Variants in PCDHA6 observed in about 807,000 individuals in gnomAD.
The protein encoded by PCDHA6 is protocadherin alpha-6.
Under a neutral mutation model 60.3 loss-of-function variants are expected in PCDHA6, and 55 were observed. The observed-to-expected ratio is 0.91, with a 90% CI of 0.73 to 1.14. The LOEUF is 1.14. Ranked by LOEUF, PCDHA6 falls within the 50% of genes most tolerant of loss-of-function variation. The pLI, the probability that PCDHA6 is intolerant of heterozygous loss-of-function variation, is 0.00. For synonymous variants in PCDHA6, 652 were observed against 557.9 expected (o/e 1.17, Z -2.38); for missense variants, 1,327 against 1,256.5 (o/e 1.06, Z -0.85).
At chr5:140,843,626 C>G (rs1779006743) in intron 1 of PCDHA6, 2 of 1,596,058 alleles carry the variant, frequency 1.3e-6, no homozygotes, top group East Asian at 4.5e-5. Context: ...GAAGACGGAC[C>G]TCATGGCCTT....
At position 140,870,607 on chromosome 5, in the gene PCDHA6, G is replaced by T. The variant is rs782060261; in HGVS notation, c.2394+40122G>T. 15 of 1,613,098 alleles carry T rather than the reference G, an allele frequency of 9.3e-6. No individual in the cohort carries two copies. The Middle Eastern group carries it at 5.1e-4, about 55-fold the overall frequency. ...GGTGGAGCGGCGGTTGGGCGACCGCGCGCTGTCGAGCTACGTGTCGGTGCA... is the reference window on the plus strand; with the variant it reads ...GGTGGAGCGGCGGTTGGGCGACCGCTCGCTGTCGAGCTACGTGTCGGTGCA... On this transcript the variant is annotated intron_variant, in intron 1 of 3. Transcript: ENST00000529310.
chr5:140,916,492 C>T (rs1310558218), intron 1 of PCDHA6, among the ~76,000 whole-genome samples: 2 of 152,170 alleles, frequency 1.3e-5, no homozygotes, highest in Admixed American at 6.5e-5. Context: ...GCTCTTTAGT[C>T]AGCAGGTGAT....
At chr5:140,948,665 A>T (rs2094288381) in intron 1 of PCDHA6, among the ~76,000 whole-genome samples, 1 of 151,668 alleles carries the variant, frequency 6.6e-6, no homozygotes. Flanking sequence ...ATCTGTAGTG[A>T]TAACATCTTT....
At chr5:140,927,651 C>A in intron 1 of PCDHA6, 2 of 1,614,216 alleles carry the variant, frequency 1.2e-6, no homozygotes, top group Non-Finnish European at 1.7e-6. Context: ...CTGTGTTATT[C>A]CGAGTTCAAG....
At chr5:140,909,045 G>A (rs1407145935) in intron 1 of PCDHA6, among the ~76,000 whole-genome samples, 1 of 152,112 alleles carries the variant, frequency 6.6e-6, no homozygotes, top group African/African-American at 2.4e-5. Flanking sequence ...TCCATACTCT[G>A]GCATGCAAAT....
At chr5:140,968,946 GCAT>G in intron 1 of PCDHA6, 4 of 1,614,172 alleles carry the variant, frequency 2.5e-6, no homozygotes, top group Non-Finnish European at 3.4e-6. Flanking sequence ...ATCATTTTGA[GCAT>G]CATCAAGTGC....
At chr5:140,866,404 A>C (rs781790462) in intron 1 of PCDHA6, 1 of 152,130 alleles carries the variant, frequency 6.6e-6, no homozygotes, top group Non-Finnish European at 1.5e-5. Context: ...TTCCCATGAA[A>C]ATCTTCAAAT....
In PCDHA6 at chr5:140,973,293, A is replaced by G. The variant is rs150966135; in HGVS notation, c.2395-5656A>G. Among the ~76,000 whole-genome samples, 103 of 152,230 alleles carry G rather than the reference A, an allele frequency of 6.8e-4. No homozygotes were observed. The East Asian group carries it at 0.019, about 27-fold the overall frequency. On this transcript the variant is annotated intron_variant, in intron 1 of 3. Transcript: ENST00000529310. ...TATTTCCCCCAGCACTGATTTTTCT[A>G]TCTGATGACTCTATCCTGGAACAGA...
At chr5:141,005,769 G>A (rs1421440870) in intron 3 of PCDHA6, among the ~76,000 whole-genome samples, 3 of 129,926 alleles carry the variant, frequency 2.3e-5, no homozygotes, top group Non-Finnish European at 4.9e-5. Context: ...AAGCAAACCA[G>A]ATGTGTAAAG....
chr5:141,010,438 CA>C lies in PCDHA6; in HGVS notation c.*504del. ...TACAAGGAAGGCAAGAAAACAAAGA[CA>C]AATAAACAGCGGAAGTTATCAGTAT... On this transcript the variant is annotated 3_prime_UTR_variant, in exon 4 of 4. Transcript: ENST00000529310. 1.0e-6 allele frequency: 1 copy of C among 998,926 alleles called. No individual in the cohort carries two copies. The highest frequency in any genetic ancestry group is 1.4e-6 in the Non-Finnish European group (1 of 704,790). The allele number at this position is 998,926 out of a possible 1,614,324, so 61.9% of individuals were successfully genotyped here.
At chr5:140,835,075 C>T (rs2150230392) in intron 1 of PCDHA6, 4 of 1,211,226 alleles carry the variant, frequency 3.3e-6, no homozygotes, top group Non-Finnish European at 4.5e-6. Flanking sequence ...TTACTCATCA[C>T]GGTACTGGAC....
chr5:140,914,590 T>C (rs886666163), intron 1 of PCDHA6, among the ~76,000 whole-genome samples: 1 of 152,208 alleles, frequency 6.6e-6, no homozygotes, highest in African/African-American at 2.4e-5. Flanking sequence ...TTCATTTAAG[T>C]AGGAACTTCC....
chr5:140,997,668 T>TTGTGTGTGTGTGTGTG (rs35184029), intron 3 of PCDHA6, among the ~76,000 whole-genome samples: 13 of 148,244 alleles, frequency 8.8e-5, no homozygotes, highest in African/African-American at 2.2e-4. Flanking sequence ...ATTATACAGC[T>TTGTGTGTGTGTGTGTG]TGTGTGTGTG....
chr5:140,829,817 G>T lies in PCDHA6; in HGVS notation c.1726G>T (p.Ala576Ser), dbSNP rs1581889667. 6.2e-7 allele frequency: 1 copy of T among 1,613,890 alleles called. No individual in the cohort carries two copies. Among genetic ancestry groups the T allele is most frequent in the Non-Finnish European group, 8.5e-7 (1 of 1,179,874 alleles). Residue 576 changes from alanine (A) to serine (S), a missense_variant, in exon 1 of 4, where the codon GCA becomes TCA. Transcript: ENST00000529310. ...GCCTCGGGTGGGTGGTACTGGTGGT[G>T]CAGTGAGCGAGCTGGTGCCGCGGTC... ...LAPRVGGTGG[A>S]VSELVPRSLG...
At chr5:140,969,337 AC>A in intron 1 of PCDHA6, 1 of 1,613,970 alleles carries the variant, frequency 6.2e-7, no homozygotes, top group East Asian at 2.2e-5. Flanking sequence ...ATGAGGTGAG[AC>A]AGTGGTCAGG....
At chr5:140,989,970 A>C (rs2097368842) in intron 3 of PCDHA6, among the ~76,000 whole-genome samples, 1 of 152,136 alleles carries the variant, frequency 6.6e-6, no homozygotes, top group Non-Finnish European at 1.5e-5. Flanking sequence ...GAGCTTCCTC[A>C]GCAACAGCCC....
rs116072877 is a variant in PCDHA6 at position 140,927,686 on chromosome 5, A to G, written c.2395-51263A>G. On this transcript the variant is annotated intron_variant, in intron 1 of 3. Transcript: ENST00000529310. ...GCCTTGGATCCAGATGAAGGGTCCA[A>G]TGGGGAAGTCCAGTACTCCCTAAGC... 796 of 1,614,196 alleles carry G rather than the reference A, an allele frequency of 4.9e-4. 3 individuals carry two copies. The African/African-American group carries it at 7.7e-3, about 16-fold the overall frequency.
chr5:140,898,035 TG>T (rs1376690690), intron 1 of PCDHA6, among the ~76,000 whole-genome samples: 1 of 152,120 alleles, frequency 6.6e-6, no homozygotes, highest in Non-Finnish European at 1.5e-5. Flanking sequence ...TTGATGGGGT[TG>T]TTTGTTTTTT....
At chr5:140,850,702 A>G in intron 1 of PCDHA6, 1 of 1,598,166 alleles carries the variant, frequency 6.3e-7, no homozygotes, top group Middle Eastern at 1.7e-4. Flanking sequence ...GCGCCTGGCA[A>G]GCCGACGCTG....
Sources: gnomAD v4.1 joint callset for allele counts (sites outside exome capture counted in the v4.1 genomes callset) on GRCh38, gnomAD v4.1.1 for gene constraint, MANE v1.5 for transcripts, NCBI Gene and HGNC (gene_info 2026-07-23, HGNC 2026-07-21) for gene names.